The following HPSE2 variants were observed in gnomAD, a reference collection of about 807,000 sequenced individuals.
HPSE2 encodes inactive heparanase-2.
A neutral mutation model predicts 60.5 loss-of-function variants in HPSE2; 38 were observed. The ratio of observed to expected loss-of-function variants is 0.63; its 90% confidence interval spans 0.48 to 0.82. HPSE2 has a LOEUF of 0.82. Ranked by LOEUF, HPSE2 falls within the 40% of genes least tolerant of loss-of-function variation. The pLI is 0.00. For missense variants in HPSE2, 713 were observed against 740.4 expected (o/e 0.96, Z 0.43); for synonymous variants, 295 against 293.2 (o/e 1.01, Z -0.06).
chr10:98,551,606 A>T (rs1589409885), intron 9 of HPSE2, among the ~76,000 whole-genome samples: 1 of 152,268 alleles, frequency 6.6e-6, no homozygotes, highest in East Asian at 1.9e-4. Flanking sequence ...ACTGGGGCTC[A>T]TTCATCCCAA....
intron 3 of HPSE2, among the ~76,000 whole-genome samples, chr10:99,088,454 G>C (rs889449003): frequency 6.6e-6 from 1 of 152,000 alleles, no homozygotes. Flanking sequence ...AGAACATAAC[G>C]TTTGGTTTTC....
intron 2 of HPSE2, among the ~76,000 whole-genome samples, chr10:99,225,961 TTTGC>T (rs926872480): frequency 2.0e-5 from 3 of 152,066 alleles, no homozygotes; most frequent in African/African-American, 4.8e-5. Flanking sequence ...CAATATGAAC[TTTGC>T]TTGGGATAAT....
intron 3 of HPSE2, among the ~76,000 whole-genome samples, chr10:98,982,609 T>G (rs1956233627): frequency 6.6e-6 from 1 of 152,118 alleles, no homozygotes; most frequent in South Asian, 2.1e-4. Context: ...TGCCAGTAAG[T>G]AACCAAGTGA....
intron 2 of HPSE2, among the ~76,000 whole-genome samples, chr10:99,202,857 T>C (rs1342845240): frequency 1.3e-5 from 2 of 151,918 alleles, no homozygotes; most frequent in Non-Finnish European, 2.9e-5. Flanking sequence ...AAAGACATAC[T>C]GAAGAGAATA....
intron 3 of HPSE2, among the ~76,000 whole-genome samples, chr10:98,835,965 T>G (rs1448979653): frequency 6.6e-6 from 1 of 152,096 alleles, no homozygotes; most frequent in Non-Finnish European, 1.5e-5. Context: ...CAAACTGAAC[T>G]CGAAGACAGG....
chr10:98,843,123 T>C (rs1951955771), intron 3 of HPSE2, among the ~76,000 whole-genome samples: 1 of 152,132 alleles, frequency 6.6e-6, no homozygotes, highest in Non-Finnish European at 1.5e-5. Flanking sequence ...TGATACAGAT[T>C]ATTTCATCAC....
intron 2 of HPSE2, among the ~76,000 whole-genome samples, chr10:99,148,481 ATGT>A (rs1416451478): frequency 6.6e-6 from 1 of 152,138 alleles, no homozygotes; most frequent in Non-Finnish European, 1.5e-5. Context: ...ATGGAAAATA[ATGT>A]TGATCTTTTA....
chr10:98,830,078 A>T (rs1479546389), intron 3 of HPSE2, among the ~76,000 whole-genome samples: 1 of 151,742 alleles, frequency 6.6e-6, no homozygotes, highest in Non-Finnish European at 1.5e-5. Context: ...GGCTATTCTC[A>T]TTCACTCATT....
intron 3 of HPSE2, among the ~76,000 whole-genome samples, chr10:98,892,033 A>T (rs753172100): frequency 2.6e-5 from 4 of 152,170 alleles, no homozygotes; most frequent in Non-Finnish European, 4.4e-5. Context: ...AGCCTCCTAA[A>T]GTGCTGGGAT....
At chr10:98,907,224 T>C (rs1327100105) in intron 3 of HPSE2, among the ~76,000 whole-genome samples, 1 of 152,212 alleles carries the variant, frequency 6.6e-6, no homozygotes, top group Admixed American at 6.5e-5. Flanking sequence ...CTAGTTGATA[T>C]GGACAAATTA....
chr10:98,928,895 G>A (rs1366904872), intron 3 of HPSE2, among the ~76,000 whole-genome samples: 1 of 138,572 alleles, frequency 7.2e-6, no homozygotes, highest in African/African-American at 3.1e-5. Context: ...GCTAGATGAC[G>A]AGGTAGTGGG....
At chr10:99,268,929 G>A in the HPSE2 span, among the ~76,000 whole-genome samples, 6 of 152,080 alleles carry the variant, frequency 3.9e-5, no homozygotes, top group Admixed American at 3.3e-4. Flanking sequence ...GCCGAGGCGG[G>A]TGGATCACCT....
At position 99,235,629 on chromosome 10, in the gene HPSE2, C is replaced by A. The variant is rs1458018112; in HGVS notation, c.174G>T (p.Lys58Asn). Residue 58 changes from lysine (K) to asparagine (N), a missense_variant, in exon 1 of 12, where the codon AAG (lysine) becomes AAT (asparagine). Lys to Asn is a moderately conservative substitution (Grantham distance 94). Coordinates refer to ENST00000370552, the MANE Select transcript of HPSE2 (RefSeq NM_021828.5). Reference protein sequence around the residue: ...PVDRAAGLKEKTLILLDVSTK... With the variant: ...PVDRAAGLKENTLILLDVSTK... The stretch of plus-strand genomic sequence containing the variant: ...TGCTCACATCAAGTAGAATCAGGGT[C>A]TTTTCCTTCAAACCTGCAGCTCTGT... 1.9e-6 allele frequency: 3 copies of A among 1,613,940 alleles called. No individual in the cohort carries two copies. Among genetic ancestry groups the A allele is most frequent in the Non-Finnish European group, 2.5e-6 (3 of 1,180,036 alleles).
chr10:98,871,451 T>A (rs1475597817), intron 3 of HPSE2, among the ~76,000 whole-genome samples: 1 of 152,032 alleles, frequency 6.6e-6, no homozygotes, highest in Admixed American at 6.6e-5. Flanking sequence ...TGTATACTTT[T>A]AGCTAAAATT....
chr10:98,971,419 T>C (rs545293122), intron 3 of HPSE2, among the ~76,000 whole-genome samples: 2 of 152,296 alleles, frequency 1.3e-5, no homozygotes, highest in Admixed American at 6.5e-5. Context: ...TTAATTCTCT[T>C]TGTACCCATA....
chr10:99,216,653 C>T (rs887697101), intron 2 of HPSE2, among the ~76,000 whole-genome samples: 2 of 152,184 alleles, frequency 1.3e-5, no homozygotes, highest in Non-Finnish European at 2.9e-5. Flanking sequence ...TCATTATCTA[C>T]TCTATACATC....
At position 98,862,604 on chromosome 10, in the gene HPSE2, G is replaced by A. The variant is rs191612683; in HGVS notation, c.611-118548C>T. On this transcript the variant is annotated intron_variant, in intron 3 of 11. Transcript: ENST00000370552. ...TGCTTTTGGGAGAGTGATCATGGAAGGATATACTAGGCTTAGCAGAGAAGA... is the reference window on the plus strand; with the variant it reads ...TGCTTTTGGGAGAGTGATCATGGAAAGATATACTAGGCTTAGCAGAGAAGA... 3.0e-3 allele frequency among the ~76,000 whole-genome samples: 457 copies of A among 152,258 alleles called. 1 individual carries two copies. Among genetic ancestry groups the A allele is most frequent in the African/African-American group, 0.011 (439 of 41,552 alleles).
chr10:99,099,490 G>C (rs1352919279), intron 3 of HPSE2, among the ~76,000 whole-genome samples: 1 of 152,230 alleles, frequency 6.6e-6, no homozygotes, highest in African/African-American at 2.4e-5. Context: ...AACAAAGCAG[G>C]CTGGAAGCTT....
chr10:99,208,522 A>G (rs1490180657), intron 2 of HPSE2, among the ~76,000 whole-genome samples: 1 of 151,942 alleles, frequency 6.6e-6, no homozygotes, highest in Non-Finnish European at 1.5e-5. Flanking sequence ...CCATCTCTGC[A>G]AAAAATACAG....
Sources: gnomAD v4.1 joint callset for allele counts (sites outside exome capture counted in the v4.1 genomes callset) on GRCh38, gnomAD v4.1.1 for gene constraint, MANE v1.5 for transcripts, NCBI Gene and HGNC (gene_info 2026-07-23, HGNC 2026-07-21) for gene names.